Variants in BICC1 observed in about 807,000 individuals in gnomAD.
BICC1 encodes protein bicaudal C homolog 1.
A neutral mutation model predicts 111.0 loss-of-function variants in BICC1; 43 were observed. The observed-to-expected ratio is 0.39, with a 90% CI of 0.30 to 0.50. BICC1 has a LOEUF of 0.50. BICC1 is among the 20% of genes least tolerant of loss of function. The pLI is 0.88. For missense variants in BICC1, 1,091 were observed against 1,203.2 expected (o/e 0.91, Z 1.38); for synonymous variants, 467 against 434.4 (o/e 1.07, Z -0.93).
At chr10:58,746,223 T>G (rs972946072) in intron 3 of BICC1, among the ~76,000 whole-genome samples, 14 of 152,274 alleles carry the variant, frequency 9.2e-5, no homozygotes, top group Non-Finnish European at 2.1e-4. Context: ...TTATTTTGCT[T>G]ACATCTATAA....
chr10:58,800,317 C>A lies in BICC1; in HGVS notation c.1849C>A (p.Pro617Thr). ...TGAGCAGACATCTCCCAAATCAAGC[C>A]CCACTGAAGGTCGGGAACTGTACCC... ...GSEQTSPKSSPTEGCNDAFVE... is the reference protein window; with the variant it reads ...GSEQTSPKSSTTEGCNDAFVE... Residue 617 changes from proline to threonine, a missense_variant, in exon 13 of 21, where the codon CCC becomes ACC. Physicochemically the swap from Pro to Thr is conservative, Grantham distance 38 (BLOSUM62 -1). Around this residue, in one of 3 missense-constraint regions of BICC1, gnomAD observed 843 missense variants for 900.8 expected, o/e 0.94. Coordinates refer to ENST00000373886, the MANE Select transcript of BICC1 (RefSeq NM_001080512.3). 1 of 1,613,342 alleles carries A rather than the reference C, an allele frequency of 6.2e-7. No individual in the cohort carries two copies. Among genetic ancestry groups the A allele is most frequent in the Non-Finnish European group, 8.5e-7 (1 of 1,179,652 alleles).
chr10:58,561,234 C>T (rs1283409965), intron 1 of BICC1, among the ~76,000 whole-genome samples: 2 of 151,942 alleles, frequency 1.3e-5, no homozygotes, highest in Non-Finnish European at 2.9e-5. Flanking sequence ...TTTTCCAGTG[C>T]TGGGTGCATA....
chr10:58,520,722 G>A (rs576826170), intron 1 of BICC1, among the ~76,000 whole-genome samples: 229 of 151,996 alleles, frequency 1.5e-3, no homozygotes, highest in Non-Finnish European at 2.6e-3. Context: ...TTTCCCCCTC[G>A]ATTTTAAAAG....
In BICC1 at chr10:58,580,027, A is replaced by ATT. The variant is rs67834722; in HGVS notation, c.191-40814_191-40813dup. On this transcript the variant is annotated intron_variant, in intron 1 of 20. Coordinates refer to ENST00000373886, the MANE Select transcript of BICC1 (RefSeq NM_001080512.3). The stretch of plus-strand genomic sequence containing the variant: ...TAACAAGAAAGCTGTCCTCTTAGCA[A>ATT]TTTTTTTTTTTTTTTCCAGACAGAA... Among the ~76,000 whole-genome samples the ATT allele has an allele frequency of 4.7e-3, 678 of 144,566 alleles. 4 individuals carry two copies. Among genetic ancestry groups the ATT allele is most frequent in the South Asian group, 8.6e-3 (39 of 4,544 alleles). The allele number at this position is 144,566 out of a possible 152,430, so 94.8% of individuals were successfully genotyped here. A position where few individuals can be genotyped will look rare whatever the true frequency, so the allele number is the denominator to read the frequency against.
At chr10:58,646,529 A>T (rs1218427057) in intron 2 of BICC1, among the ~76,000 whole-genome samples, 1 of 152,198 alleles carries the variant, frequency 6.6e-6, no homozygotes. Flanking sequence ...TTACCTAAAA[A>T]TGAGGGTATG....
At chr10:58,673,319 G>A (rs754235240) in intron 2 of BICC1, among the ~76,000 whole-genome samples, 12 of 151,994 alleles carry the variant, frequency 7.9e-5, no homozygotes, top group Non-Finnish European at 1.2e-4. Context: ...GGCATCCTCT[G>A]GGAAGGAATC....
At chr10:58,769,435 A>G (rs1420283396) in intron 3 of BICC1, among the ~76,000 whole-genome samples, 1 of 106,954 alleles carries the variant, frequency 9.3e-6, no homozygotes, top group African/African-American at 2.8e-5. Context: ...TAATCACAGT[A>G]TATATCTTTA....
chr10:58,772,752 C>T (rs1842653049), intron 3 of BICC1, among the ~76,000 whole-genome samples: 1 of 152,168 alleles, frequency 6.6e-6, no homozygotes, highest in Non-Finnish European at 1.5e-5. Context: ...ATCCCCACCC[C>T]TCAGTTGGAA....
At chr10:58,570,404 G>A (rs1843911140) in intron 1 of BICC1, among the ~76,000 whole-genome samples, 1 of 152,154 alleles carries the variant, frequency 6.6e-6, no homozygotes, top group Non-Finnish European at 1.5e-5. Flanking sequence ...TTTGGCCCTG[G>A]CAGATTGAAA....
chr10:58,638,930 C>T (rs549430883), intron 2 of BICC1, among the ~76,000 whole-genome samples: 60 of 136,748 alleles, frequency 4.4e-4, no homozygotes, highest in African/African-American at 1.5e-3. Context: ...CTCCCTCCCT[C>T]GTTTGCTTTC....
At chr10:58,781,094 C>T (rs1266964938) in intron 3 of BICC1, among the ~76,000 whole-genome samples, 1 of 152,140 alleles carries the variant, frequency 6.6e-6, no homozygotes, top group Non-Finnish European at 1.5e-5. Context: ...TGGTCACTTT[C>T]TCTTCATTAG....
At chr10:58,803,883 A>G (rs1843631453) in intron 15 of BICC1, among the ~76,000 whole-genome samples, 1 of 152,230 alleles carries the variant, frequency 6.6e-6, no homozygotes, top group South Asian at 2.1e-4. Flanking sequence ...TATAGATGAC[A>G]ATATGAAAGA....
intron 2 of BICC1, among the ~76,000 whole-genome samples, chr10:58,701,220 AT>A (rs200097498): frequency 9.9e-5 from 15 of 151,446 alleles, no homozygotes; most frequent in East Asian, 1.9e-4. Flanking sequence ...TTAATACATG[AT>A]TTTTTTTTGC....
intron 2 of BICC1, among the ~76,000 whole-genome samples, chr10:58,681,490 T>C (rs1005244487): frequency 6.6e-6 from 1 of 152,086 alleles, no homozygotes; most frequent in Non-Finnish European, 1.5e-5. Flanking sequence ...ATCATTAAAA[T>C]GTCAGGAAAC....
rs1842905806 is a variant in BICC1 at position 58,782,402 on chromosome 10, A to G, written c.308-2599A>G. Among the ~76,000 whole-genome samples the G allele has an allele frequency of 2.0e-5, 3 of 152,208 alleles. No individual in the cohort carries two copies. In the South Asian group the frequency reaches 6.2e-4, roughly 31 times the overall value. On this transcript the variant is annotated intron_variant, in intron 3 of 20. Coordinates refer to ENST00000373886, the MANE Select transcript of BICC1 (RefSeq NM_001080512.3). ...TAATATATATAGGACCAATACATAA[A>G]TGACTACAATTGAAATATCTATGTG... is the stretch of plus-strand genomic sequence containing the variant.
chr10:58,647,636 C>T (rs1432157867), intron 2 of BICC1, among the ~76,000 whole-genome samples: 1 of 152,196 alleles, frequency 6.6e-6, no homozygotes, highest in African/African-American at 2.4e-5. Flanking sequence ...CTTGTCAGCA[C>T]ATTGAAATAT....
chr10:58,524,473 G>A (rs2131834397), intron 1 of BICC1, among the ~76,000 whole-genome samples: 1 of 152,216 alleles, frequency 6.6e-6, no homozygotes, highest in South Asian at 2.1e-4. Flanking sequence ...TTAATAAATG[G>A]TGCTGGGAAA....
At chr10:58,712,829 T>G (rs763638919) in intron 3 of BICC1, among the ~76,000 whole-genome samples, 1 of 152,112 alleles carries the variant, frequency 6.6e-6, no homozygotes, top group Non-Finnish European at 1.5e-5. Flanking sequence ...GAAGTTGATG[T>G]GATGTTGACA....
chr10:58,822,264 A>T (rs750006776), intron 20 of BICC1, among the ~76,000 whole-genome samples: 1 of 152,076 alleles, frequency 6.6e-6, no homozygotes, highest in South Asian at 2.1e-4. Context: ...AGCAGTGAGG[A>T]TATAGTGAAA....
Sources: gnomAD v4.1 joint callset for allele counts (sites outside exome capture counted in the v4.1 genomes callset) on GRCh38, gnomAD v4.1.1 for gene constraint, gnomAD v4.1.1 regional missense constraint, MANE v1.5 for transcripts, NCBI Gene and HGNC (gene_info 2026-07-23, HGNC 2026-07-21) for gene names.